The following PDXDC1 variants were observed in gnomAD, a reference collection of about 807,000 sequenced individuals.
PDXDC1 encodes the protein pyridoxal-dependent decarboxylase domain-containing protein 1.
PDXDC1 carries 42 observed loss-of-function variants against 100.1 expected under a neutral mutation model. The observed-to-expected ratio is 0.42, with a 90% CI of 0.33 to 0.54. The LOEUF (loss-of-function observed/expected upper bound fraction) is 0.54. Ranked by LOEUF, PDXDC1 falls within the 20% of genes least tolerant of loss-of-function variation. The probability of loss-of-function intolerance (pLI) is 0.10; values close to 1 mark genes in which losing one functional copy is unlikely to be tolerated. For missense variants in PDXDC1, 636 were observed against 979.2 expected (o/e 0.65, Z 4.68); for synonymous variants, 260 against 371.7 (o/e 0.70, Z 3.46).
chr16:15,062,206 T>G (rs2044743233), intron 16 of PDXDC1, among the ~76,000 whole-genome samples: 1 of 152,198 alleles, frequency 6.6e-6, no homozygotes, highest in African/African-American at 2.4e-5. Context: ...CTTACCAACA[T>G]ACCCACATAA....
At chr16:14,977,098 ACT>A (rs1328365889) in intron 1 of PDXDC1, among the ~76,000 whole-genome samples, 5 of 152,240 alleles carry the variant, frequency 3.3e-5, no homozygotes, top group Non-Finnish European at 5.9e-5. Context: ...AAGATCTTAA[ACT>A]CTCTCAATGA....
rs1420161816 is a variant in PDXDC1, at chr16:15,036,953, C to T, written c.*678C>T. ...AGAAACTGTAAAGTCTCCTCCTGAC[C>T]ATATATTTTTAAATACTGGCAAAGC... On this transcript the variant is annotated 3_prime_UTR_variant, in exon 23 of 23. Transcript: ENST00000396410. 6.6e-6 allele frequency: 1 copy of T among 152,416 alleles called. No homozygotes were observed. Among genetic ancestry groups the T allele is most frequent in the Non-Finnish European group, 1.5e-5 (1 of 68,214 alleles). The allele number at this position is 152,416 out of a possible 1,614,324, so 9.4% of individuals were successfully genotyped here. A position where few individuals can be genotyped will look rare whatever the true frequency, so the allele number is the denominator to read the frequency against.
chr16:15,091,636 C>A (rs569010222), intron 16 of PDXDC1, among the ~76,000 whole-genome samples: 4 of 151,858 alleles, frequency 2.6e-5, no homozygotes, highest in Admixed American at 6.6e-5. Context: ...GATACTCCTG[C>A]GAATTCTCAA....
intron 16 of PDXDC1, among the ~76,000 whole-genome samples, chr16:15,058,297 A>G (rs74800367): frequency 0.1 from 15,362 of 152,224 alleles, 1,051 homozygotes; most frequent in Admixed American, 0.21. Flanking sequence ...CGTCTCAAAA[A>G]AAAAAGAAAA....
intron 16 of PDXDC1, among the ~76,000 whole-genome samples, chr16:15,054,742 C>G (rs542858132): frequency 6.0e-4 from 91 of 152,308 alleles, no homozygotes; most frequent in Admixed American, 1.4e-3. Context: ...CAATTCTATG[C>G]CAGGGACCGT....
chr16:15,073,730 T>C lies in PDXDC1; in HGVS notation c.1399+43674T>C, dbSNP rs139913523. Among the ~76,000 whole-genome samples, 57 of 152,340 alleles carry C rather than the reference T, an allele frequency of 3.7e-4. 1 individual carries two copies. In the East Asian group the frequency reaches 0.011, roughly 28 times the overall value. On this transcript the variant is annotated intron_variant, in intron 16 of 16. Coordinates refer to the PDXDC1 transcript ENST00000535621. Reference sequence around the variant, plus strand: ...GTATGTTCATTATAACTGTTACTTATCATGGTGAAAACAGTAAAAGACAGT... The same window carrying C: ...GTATGTTCATTATAACTGTTACTTACCATGGTGAAAACAGTAAAAGACAGT...
intron 16 of PDXDC1, chr16:15,109,147 T>G (rs1038319231): frequency 2.0e-5 from 3 of 148,216 alleles, no homozygotes; most frequent in Non-Finnish European, 3.0e-5. Flanking sequence ...ATCTCACATT[T>G]AACAAAAAAA....
At chr16:15,066,892 C>G (rs2045003551) in intron 16 of PDXDC1, among the ~76,000 whole-genome samples, 1 of 152,016 alleles carries the variant, frequency 6.6e-6, no homozygotes. Context: ...CACTCTGTGC[C>G]TCCAATGCGC....
At chr16:15,103,725 C>CA (rs2046653724) in intron 16 of PDXDC1, among the ~76,000 whole-genome samples, 2 of 114,856 alleles carry the variant, frequency 1.7e-5, no homozygotes, top group East Asian at 5.8e-4. Flanking sequence ...GGGCTGGTCT[C>CA]AAACTCCCCA....
At chr16:15,150,049 T>A in the PDXDC1 span, among the ~76,000 whole-genome samples, 2 of 151,698 alleles carry the variant, frequency 1.3e-5, no homozygotes, top group Admixed American at 1.3e-4. Context: ...CTCCTAGACA[T>A]CATCGGACAT....
intron 1 of PDXDC1, among the ~76,000 whole-genome samples, chr16:14,994,960 A>G (rs1288692101): frequency 3.3e-5 from 5 of 152,294 alleles, no homozygotes; most frequent in Non-Finnish European, 7.3e-5. Context: ...TTGGTGTATA[A>G]GAATGCTTGT....
In PDXDC1 at chr16:15,036,155, TG is replaced by T. The variant is rs1218018392; in HGVS notation, c.2248del (p.Glu750ArgfsTer32). 6.2e-7 allele frequency: 1 copy of T among 1,614,048 alleles called. No individual in the cohort carries two copies. The highest frequency in any genetic ancestry group is 8.5e-7 in the Non-Finnish European group (1 of 1,180,038). ...EQITLEASSTEGHPGAPSPQH... is the reference protein window; with the variant it reads ...EQITLEASSTXGHPGAPSPQH... Reference sequence around the variant, plus strand: ...AGATCACCCTCGAGGCCAGCAGCACTGAGGGACACCCAGGGGCTCCCAGCCC... The same window carrying T: ...AGATCACCCTCGAGGCCAGCAGCACTAGGGACACCCAGGGGCTCCCAGCCC... On this transcript the variant is annotated frameshift_variant, in exon 23 of 23. Coordinates refer to ENST00000396410, the MANE Select transcript of PDXDC1 (RefSeq NM_015027.4). LOFTEE classifies it low-confidence loss of function (END_TRUNC).
intron 1 of PDXDC1, among the ~76,000 whole-genome samples, chr16:14,987,097 A>G (rs74816966): frequency 7.0e-4 from 103 of 146,986 alleles, no homozygotes; most frequent in African/African-American, 2.5e-3. Flanking sequence ...TGGAAAAAGG[A>G]AAAAAAAAAA....
intron 16 of PDXDC1, among the ~76,000 whole-genome samples, chr16:15,117,439 A>G (rs1022737916): frequency 1.3e-5 from 2 of 148,904 alleles, no homozygotes; most frequent in African/African-American, 5.0e-5. Flanking sequence ...CAGGCGGATC[A>G]CGAGGTCAAG....
At chr16:15,055,889 AC>A in intron 16 of PDXDC1, 1 of 1,224,032 alleles carries the variant, frequency 8.2e-7, no homozygotes, top group Non-Finnish European at 1.0e-6. Context: ...CGCCCCACTC[AC>A]CTCCAAAGGC....
Position 15,036,309 on chromosome 16 carries a change from T to A in PDXDC1, c.*34T>A. 1 of 1,562,778 alleles carries A rather than the reference T, an allele frequency of 6.4e-7. No individual in the cohort carries two copies. Among genetic ancestry groups the A allele is most frequent in the Non-Finnish European group, 8.7e-7 (1 of 1,144,224 alleles). On this transcript the variant is annotated 3_prime_UTR_variant, in exon 23 of 23. Transcript: ENST00000396410. ...GTGTGGTTTGAGACTGTACTGAGTA[T>A]TGTTTCAGGGAAGATGAAGTTCTAT...
intron 8 of PDXDC1, 24 bp from the exon 9 acceptor site, chr16:15,016,105 A>G (rs1171870862): frequency 6.2e-7 from 1 of 1,614,074 alleles, no homozygotes; most frequent in Non-Finnish European, 8.5e-7. Flanking sequence ...GTTCCTTTTA[A>G]TGCCCTGATG....
chr16:14,997,892 C>T (rs141412279), intron 2 of PDXDC1, 66 bp downstream of exon 2: 3 of 1,531,134 alleles, frequency 2.0e-6, no homozygotes, highest in South Asian at 1.2e-5. Flanking sequence ...GGCTCTGGGT[C>T]CTTTCTGTTA....
At chr16:15,086,570 C>G (rs2045924292) in intron 16 of PDXDC1, 1 of 1,472,238 alleles carries the variant, frequency 6.8e-7, no homozygotes, top group Non-Finnish European at 9.2e-7. Flanking sequence ...AGGTCACAAA[C>G]TTGGAAGGAA....
Sources: allele counts gnomAD v4.1 joint callset (sites outside exome capture counted in the v4.1 genomes callset), GRCh38; gene constraint gnomAD v4.1.1; transcripts MANE v1.5; gene names NCBI Gene and HGNC (gene_info 2026-07-23, HGNC 2026-07-21).